HDAC4: variants seen among roughly 807,000 people sequenced by gnomAD.
HDAC4 encodes the protein histone deacetylase 4, also known as histone deacetylase A.
HDAC4 carries 16 observed loss-of-function variants against 135.1 expected under a neutral mutation model. The observed-to-expected ratio is 0.12, with a 90% CI of 0.08 to 0.18. The LOEUF (loss-of-function observed/expected upper bound fraction) is 0.18. Ranked by LOEUF, HDAC4 falls within the 10% of genes least tolerant of loss-of-function variation. The probability of loss-of-function intolerance (pLI) is 1.00; values close to 1 mark genes in which losing one functional copy is unlikely to be tolerated. For missense variants in HDAC4, 1,143 were observed against 1,511.8 expected (o/e 0.76, Z 4.05); for synonymous variants, 685 against 653.4 (o/e 1.05, Z -0.74).
At chr2:239,236,964 A>G (rs998983041) in intron 2 of HDAC4, among the ~76,000 whole-genome samples, 1 of 152,192 alleles carries the variant, frequency 6.6e-6, no homozygotes, top group African/African-American at 2.4e-5. Flanking sequence ...GCTGATCAGA[A>G]GTCGGCTCTT....
intron 2 of HDAC4, among the ~76,000 whole-genome samples, chr2:239,333,040 T>A (rs944902941): frequency 6.6e-6 from 1 of 152,148 alleles, no homozygotes; most frequent in Non-Finnish European, 1.5e-5. Flanking sequence ...AACAGTCCTA[T>A]ATCAGTTGAG....
At chr2:239,207,310 G>A (rs58257701) in intron 3 of HDAC4, among the ~76,000 whole-genome samples, 2,764 of 152,124 alleles carry the variant, frequency 0.018, 83 homozygotes, top group East Asian at 0.14. Flanking sequence ...ACTGAAAGAC[G>A]AGATATATCT....
rs970203656 is a variant in HDAC4, at chr2:239,307,416, G to A, written c.22+45262C>T. On this transcript the variant is annotated intron_variant, in intron 2 of 26. Transcript: ENST00000543185. This position sits in a 1 kb window ranked among gnomAD's most constrained non-coding sequence, Gnocchi z 4.8. ...GGGCCCCAGGAGAGAGGGGCTTGAA[G>A]GATGGGTACCCCAAGCTGTCAAAAG... 2.6e-5 allele frequency among the ~76,000 whole-genome samples: 4 copies of A among 152,186 alleles called. No homozygotes were observed. In the East Asian group the frequency reaches 7.7e-4, roughly 29 times the overall value.
chr2:239,230,317 T>C (rs1342203749), intron 3 of HDAC4, among the ~76,000 whole-genome samples: 1 of 148,366 alleles, frequency 6.7e-6, no homozygotes, highest in Non-Finnish European at 1.5e-5. Flanking sequence ...TTTGATGTCT[T>C]TACATTCTAC....
intron 1 of HDAC4, among the ~76,000 whole-genome samples, chr2:239,374,589 G>A (rs1014989038): frequency 6.6e-6 from 1 of 150,746 alleles, no homozygotes; most frequent in African/African-American, 2.4e-5. Context: ...ATTTTTAGTA[G>A]AGACGGGGTT....
In HDAC4 at chr2:239,210,547, G is replaced by A. The variant is rs375178989; in HGVS notation, c.95-20470C>T. On this transcript the variant is annotated intron_variant, in intron 3 of 26. Transcript: ENST00000543185. ...CTACAAACGTGTACATTTATTACCC[G>A]GCCTGTGAGCACAACGGCTTGGGGC... Among the ~76,000 whole-genome samples the A allele has an allele frequency of 5.9e-5, 9 of 152,252 alleles. No individual in the cohort carries two copies. The East Asian group carries it at 1.7e-3, about 29-fold the overall frequency.
intron 11 of HDAC4, among the ~76,000 whole-genome samples, chr2:239,128,470 G>A (rs1300218982): frequency 1.3e-5 from 2 of 151,830 alleles, no homozygotes; most frequent in African/African-American, 4.8e-5. Flanking sequence ...CAAGGTTGCA[G>A]TGAGCCCAGA....
intron 4 of HDAC4, among the ~76,000 whole-genome samples, chr2:239,184,908 G>A (rs1451901543): frequency 9.3e-6 from 1 of 107,654 alleles, no homozygotes; most frequent in Non-Finnish European, 2.0e-5. Context: ...CTGTCCTGGA[G>A]ACTGTGTCCT....
chr2:239,068,615 G>T lies in HDAC4; in HGVS notation c.2751-8C>A. The T allele has an allele frequency of 6.2e-7, 1 of 1,610,948 alleles. No homozygotes were observed. The highest frequency in any genetic ancestry group is 8.5e-7 in the Non-Finnish European group (1 of 1,177,276). ...ATCGGCATGACCACCGTTCTGCAAA[G>T]GACAGGAGAAGGCGTTACTGGGTCA... On this transcript the variant is annotated splice_polypyrimidine_tract_variant and splice_region_variant and intron_variant, in intron 22 of 26. Coordinates refer to ENST00000543185, the MANE Select transcript of HDAC4 (RefSeq NM_001378414.1). The surrounding 1 kb of genome is among the most constrained non-coding windows in gnomAD (Gnocchi z 4.4).
chr2:239,326,622 A>C (rs1007321234), intron 2 of HDAC4, among the ~76,000 whole-genome samples: 14 of 152,272 alleles, frequency 9.2e-5, no homozygotes, highest in Non-Finnish European at 1.2e-4. Flanking sequence ...AATTAAAAAG[A>C]AATATGTTAT....
At chr2:239,302,534 C>T (rs1230507210) in intron 2 of HDAC4, among the ~76,000 whole-genome samples, 1 of 152,352 alleles carries the variant, frequency 6.6e-6, no homozygotes, top group African/African-American at 2.4e-5. Context: ...GGAGAATCCA[C>T]GTGGGGCCAT....
At chr2:239,395,942 T>C (rs1262991503) in intron 1 of HDAC4, among the ~76,000 whole-genome samples, 1 of 152,200 alleles carries the variant, frequency 6.6e-6, no homozygotes, top group African/African-American at 2.4e-5. Context: ...AGCAATTCGG[T>C]AATCACTATT....
chr2:239,083,031 G>A (rs1456433091), intron 20 of HDAC4, among the ~76,000 whole-genome samples: 1 of 152,260 alleles, frequency 6.6e-6, no homozygotes, highest in Non-Finnish European at 1.5e-5. Flanking sequence ...GCAGCTACAG[G>A]TGAGGAGCGA....
intron 12 of HDAC4, among the ~76,000 whole-genome samples, chr2:239,120,614 C>T (rs987045102): frequency 2.6e-4 from 8 of 31,022 alleles, no homozygotes; most frequent in South Asian, 7.3e-4. Flanking sequence ...AATGGGGGGG[C>T]GGGGAAGGGA....
chr2:239,333,560 A>C (rs1691725233), intron 2 of HDAC4, among the ~76,000 whole-genome samples: 1 of 152,218 alleles, frequency 6.6e-6, no homozygotes, highest in Non-Finnish European at 1.5e-5. Flanking sequence ...ACACATTATA[A>C]TAATTATTAC....
At chr2:239,351,632 G>A (rs1276280277) in intron 2 of HDAC4, 1 of 154,366 alleles carries the variant, frequency 6.5e-6, no homozygotes, top group African/African-American at 2.4e-5. Flanking sequence ...AAAAAAACCT[G>A]GAATCTTGCC....
At chr2:239,266,798 C>T (rs1394916632) in intron 2 of HDAC4, among the ~76,000 whole-genome samples, 2 of 152,160 alleles carry the variant, frequency 1.3e-5, no homozygotes, top group Non-Finnish European at 2.9e-5. Flanking sequence ...TTAGCCAGCA[C>T]TGACGGTGTC....
chr2:239,339,844 T>C (rs555892182), intron 2 of HDAC4, among the ~76,000 whole-genome samples: 1 of 152,250 alleles, frequency 6.6e-6, no homozygotes, highest in African/African-American at 2.4e-5. Context: ...GTGATTCTCA[T>C]GCATCAGGTC....
At chr2:239,385,588 G>A (rs1336755958) in intron 1 of HDAC4, among the ~76,000 whole-genome samples, 4 of 152,218 alleles carry the variant, frequency 2.6e-5, no homozygotes, top group African/African-American at 4.8e-5. Context: ...GCAGCTTCAC[G>A]TGCACAGCAC....
Sources: allele counts gnomAD v4.1 joint callset (sites outside exome capture counted in the v4.1 genomes callset), GRCh38; gene constraint gnomAD v4.1.1; non-coding constraint Gnocchi (gnomAD v3.1); transcripts MANE v1.5; gene names NCBI Gene and HGNC (gene_info 2026-07-23, HGNC 2026-07-21).